The following PRKN variants were observed in gnomAD, a reference collection of about 807,000 sequenced individuals.
PRKN encodes parkin RBR E3 ubiquitin protein ligase.
Under a neutral mutation model 59.5 loss-of-function variants are expected in PRKN, and 56 were observed. The ratio of observed to expected loss-of-function variants is 0.94; its 90% CI spans 0.76 to 1.18. The LOEUF is 1.18. PRKN is among the 50% of genes most tolerant of loss of function. The pLI, the probability that PRKN is intolerant of heterozygous loss-of-function variation, is 0.00. For missense variants in PRKN, 657 were observed against 596.4 expected (o/e 1.10, Z -1.06); for synonymous variants, 250 against 222.1 (o/e 1.13, Z -1.12).
At chr6:161,973,829 A>T (rs1780920236) in intron 5 of PRKN, among the ~76,000 whole-genome samples, 1 of 152,212 alleles carries the variant, frequency 6.6e-6, no homozygotes, top group Non-Finnish European at 1.5e-5. Context: ...GGTGAAGCCA[A>T]GAAGTAACCC....
rs1781241459 is a variant in PRKN, at chr6:161,579,065, G to C, written c.872-9649C>G. Among the ~76,000 whole-genome samples, 1 of 152,164 alleles carries C rather than the reference G, an allele frequency of 6.6e-6. No homozygotes were observed. The highest frequency in any genetic ancestry group is 2.4e-5 in the African/African-American group (1 of 41,434). On this transcript the variant is annotated intron_variant, in intron 7 of 11. Coordinates refer to ENST00000366898, the MANE Select transcript of PRKN (RefSeq NM_004562.3). The surrounding 1 kb of genome is among the most constrained non-coding windows in gnomAD (Gnocchi z 4.2). The stretch of plus-strand genomic sequence containing the variant: ...GAATGGGAGGCTCTCAGAGTGAAAA[G>C]GGATCCTTATCCATTATTTTCTTTC...
At chr6:161,532,162 CTCTCTATATATATATA>C (rs1562508751) in intron 9 of PRKN, among the ~76,000 whole-genome samples, 4 of 83,642 alleles carry the variant, frequency 4.8e-5, no homozygotes, top group East Asian at 5.4e-4. Context: ...CTCTCTCTCT[CTCTCTATATATATATA>C]TATATATATA....
chr6:162,675,378 C>T (rs1779503698), intron 1 of PRKN, among the ~76,000 whole-genome samples: 1 of 151,992 alleles, frequency 6.6e-6, no homozygotes, highest in Non-Finnish European at 1.5e-5. Flanking sequence ...TTTGAGGTAG[C>T]TCTGGAAAAC....
At chr6:162,345,858 T>G (rs1454909979) in intron 2 of PRKN, among the ~76,000 whole-genome samples, 1 of 152,204 alleles carries the variant, frequency 6.6e-6, no homozygotes, top group Non-Finnish European at 1.5e-5. Flanking sequence ...AAATTTCATA[T>G]GTTGGAAACT....
At chr6:161,481,314 A>G (rs1791385199) in intron 9 of PRKN, among the ~76,000 whole-genome samples, 1 of 152,128 alleles carries the variant, frequency 6.6e-6, no homozygotes, top group Non-Finnish European at 1.5e-5. Context: ...AGTAATAAAA[A>G]GAACCTTTGG....
chr6:162,154,981 C>CA (rs983558381), intron 4 of PRKN, among the ~76,000 whole-genome samples: 13 of 140,562 alleles, frequency 9.2e-5, no homozygotes, highest in Non-Finnish European at 1.5e-4. Context: ...AAAAAAAAAA[C>CA]AAAAAAATTC....
chr6:162,427,560 T>C (rs944945217), intron 2 of PRKN, among the ~76,000 whole-genome samples: 3 of 152,082 alleles, frequency 2.0e-5, no homozygotes, highest in African/African-American at 7.2e-5. Context: ...TTGCATACAA[T>C]AGGTAACATC....
chr6:161,824,657 C>T (rs960049721), intron 6 of PRKN, among the ~76,000 whole-genome samples: 16 of 152,136 alleles, frequency 1.1e-4, no homozygotes, highest in African/African-American at 2.4e-4. Context: ...GAAGCAAGTG[C>T]TATATTCCAG....
chr6:162,708,029 T>C (rs1317218775), intron 1 of PRKN, among the ~76,000 whole-genome samples: 1 of 152,236 alleles, frequency 6.6e-6, no homozygotes, highest in Non-Finnish European at 1.5e-5. Context: ...CACTTTTTTG[T>C]GTAACACATT....
intron 8 of PRKN, among the ~76,000 whole-genome samples, chr6:161,557,526 G>A (rs1013474814): frequency 2.0e-5 from 3 of 152,064 alleles, no homozygotes; most frequent in Non-Finnish European, 4.4e-5. Context: ...AACATGGGTA[G>A]TCACCTGAGA....
chr6:161,871,243 A>T (rs1794330467), intron 6 of PRKN, among the ~76,000 whole-genome samples: 2 of 152,094 alleles, frequency 1.3e-5, no homozygotes, highest in Non-Finnish European at 2.9e-5. Context: ...ATTTTACATC[A>T]TTAGACGTAT....
At chr6:161,692,061 T>G (rs953316180) in intron 7 of PRKN, among the ~76,000 whole-genome samples, 3 of 152,190 alleles carry the variant, frequency 2.0e-5, no homozygotes. Context: ...TCTCTCTCCA[T>G]GTCAACAGAT....
intron 7 of PRKN, among the ~76,000 whole-genome samples, chr6:161,673,576 G>A (rs1428257488): frequency 2.0e-5 from 3 of 152,186 alleles, no homozygotes; most frequent in African/African-American, 7.2e-5. Context: ...GAGCAGAGTT[G>A]GGACGTTATT....
intron 9 of PRKN, among the ~76,000 whole-genome samples, chr6:161,504,794 G>A (rs1258462780): frequency 3.6e-4 from 54 of 150,776 alleles, no homozygotes; most frequent in East Asian, 1.8e-3. Context: ...TTGTTCTTGC[G>A]ATAGTTTACT....
chr6:161,436,435 ACT>A lies in PRKN; in HGVS notation c.1084-49560_1084-49559del, dbSNP rs1334760046. 2.3e-5 allele frequency among the ~76,000 whole-genome samples: 3 copies of A among 131,788 alleles called. No homozygotes were observed. In the East Asian group the frequency reaches 6.9e-4, roughly 30 times the overall value. The allele number at this position is 131,788 out of a possible 152,430, so 86.5% of individuals were successfully genotyped here. A position where few individuals can be genotyped will look rare whatever the true frequency, so the allele number is the denominator to read the frequency against. On this transcript the variant is annotated intron_variant, in intron 9 of 11. Transcript: ENST00000366898. ...ATGAAGTTCTAGAATGTTTTTGGCC[ACT>A]CTCTGCAAACTCAAGACTTTTTTGG... is the stretch of plus-strand genomic sequence containing the variant.
At chr6:161,888,337 A>T (rs1311306380) in intron 6 of PRKN, among the ~76,000 whole-genome samples, 2 of 152,116 alleles carry the variant, frequency 1.3e-5, no homozygotes, top group East Asian at 3.9e-4. Context: ...GCTAGCATCG[A>T]GGTCATTTTC....
At chr6:162,701,136 T>C (rs1778136746) in intron 1 of PRKN, among the ~76,000 whole-genome samples, 1 of 152,190 alleles carries the variant, frequency 6.6e-6, no homozygotes, top group Non-Finnish European at 1.5e-5. Context: ...TATTCAGATA[T>C]ACCAGTCAAA....
chr6:161,807,590 C>G (rs1336854695), intron 6 of PRKN, among the ~76,000 whole-genome samples: 3 of 152,192 alleles, frequency 2.0e-5, no homozygotes, highest in African/African-American at 7.2e-5. Context: ...TTTCTTGCCT[C>G]TTCCTGGCTT....
Position 161,458,835 on chromosome 6 carries a change from A to C in PRKN, c.1084-71958T>G, listed in dbSNP as rs866337163. Among the ~76,000 whole-genome samples, 2 of 152,302 alleles carry C rather than the reference A, an allele frequency of 1.3e-5. No individual in the cohort carries two copies. Among genetic ancestry groups the C allele is most frequent in the Admixed American group, 1.3e-4 (2 of 15,302 alleles). ...TGCCAGAAATTCGTAAATTTTTAGG[A>C]AAGTGAAGAGCATATGGTCACTATG... On this transcript the variant is annotated intron_variant, in intron 9 of 11. Transcript: ENST00000366898. The surrounding 1 kb of genome is among the most constrained non-coding windows in gnomAD (Gnocchi z 6.1).
Sources: gnomAD v4.1 joint callset for allele counts (sites outside exome capture counted in the v4.1 genomes callset) on GRCh38, gnomAD v4.1.1 for gene constraint, Gnocchi (gnomAD v3.1) non-coding constraint, MANE v1.5 for transcripts, NCBI Gene and HGNC (gene_info 2026-07-23, HGNC 2026-07-21) for gene names.